EPC1: variants seen among roughly 807,000 people sequenced by gnomAD.
The protein encoded by EPC1 is enhancer of polycomb homolog 1.
A neutral mutation model predicts 98.4 loss-of-function variants in EPC1; 12 were observed. The ratio of observed to expected loss-of-function variants is 0.12; its 90% CI spans 0.08 to 0.20. The LOEUF is 0.20. EPC1 is among the 10% of genes least tolerant of loss of function. EPC1 has a pLI of 1.00. For synonymous variants in EPC1, 357 were observed against 363.9 expected, an observed-to-expected ratio of 0.98 and a Z score of 0.21; for missense variants, 729 against 990.5, an observed-to-expected ratio of 0.74 and a Z score of 3.54.
chr10:32,363,147 C>T (rs1163057556), intron 1 of EPC1, among the ~76,000 whole-genome samples: 2 of 152,232 alleles, frequency 1.3e-5, no homozygotes, highest in Non-Finnish European at 2.9e-5. Context: ...AATCTCAGCT[C>T]ACTGCAACCT....
In EPC1 at chr10:32,292,935, TATAA is replaced by T; in HGVS notation, c.666+49_666+52del. 3.4e-6 allele frequency: 4 copies of T among 1,187,298 alleles called. No homozygotes were observed. The South Asian group carries it at 5.3e-5, about 16-fold the overall frequency. The allele number at this position is 1,187,298 out of a possible 1,614,324, so 73.5% of individuals were successfully genotyped here. A position where few individuals can be genotyped will look rare whatever the true frequency, so the allele number is the denominator to read the frequency against. On this transcript the variant is annotated intron_variant, in intron 4 of 13. Coordinates refer to ENST00000319778, the MANE Select transcript of EPC1 (RefSeq NM_001272004.3). ...ACCACAGTATTGAGACAGTCATAAC[TATAA>T]ATAATTTTTATTATATAATTATCAA...
chr10:32,270,964 T>C (rs991414398), intron 13 of EPC1, among the ~76,000 whole-genome samples: 1 of 149,766 alleles, frequency 6.7e-6, no homozygotes, highest in African/African-American at 2.5e-5. Flanking sequence ...ACTCCTTCCA[T>C]CCAAAGACGG....
upstream of EPC1, among the ~76,000 whole-genome samples, chr10:32,347,814 A>G (rs1838957010): frequency 6.6e-6 from 1 of 152,262 alleles, no homozygotes; most frequent in South Asian, 2.1e-4. Context: ...GCAACTTTGG[A>G]TTATAATGTT....
intron 1 of EPC1, among the ~76,000 whole-genome samples, chr10:32,361,344 C>A (rs77303184): frequency 0.018 from 2,764 of 152,186 alleles, 78 homozygotes; most frequent in African/African-American, 0.06. Context: ...GACATACCAC[C>A]CCAAAATATG....
rs1336641987 is a variant in EPC1, at chr10:32,268,933, G to A, written c.*130C>T. 1.4e-6 allele frequency: 1 copy of A among 701,744 alleles called. No homozygotes were observed. Among genetic ancestry groups the A allele is most frequent in the Non-Finnish European group, 2.4e-6 (1 of 409,666 alleles). The allele number at this position is 701,744 out of a possible 1,614,324, so 43.5% of individuals were successfully genotyped here. A position where few individuals can be genotyped will look rare whatever the true frequency, so the allele number is the denominator to read the frequency against. On this transcript the variant is annotated 3_prime_UTR_variant, in exon 14 of 14. Transcript: ENST00000319778. Reference sequence around the variant, plus strand: ...AGAAAAATTGAAGCATGAGAGATGAGCATTGCTGTCAAGTCCCCACAGCTG... The same window carrying A: ...AGAAAAATTGAAGCATGAGAGATGAACATTGCTGTCAAGTCCCCACAGCTG...
chr10:32,315,849 C>T (rs1836518473), intron 1 of EPC1, among the ~76,000 whole-genome samples: 1 of 152,186 alleles, frequency 6.6e-6, no homozygotes, highest in South Asian at 2.1e-4. Context: ...GAAAGCAATC[C>T]TGTTAATATA....
chr10:32,295,937 T>C (rs1352230852), intron 2 of EPC1, among the ~76,000 whole-genome samples: 1 of 151,906 alleles, frequency 6.6e-6, no homozygotes, highest in Non-Finnish European at 1.5e-5. Flanking sequence ...TTTTTTTTTT[T>C]TCCTGAGACA....
At chr10:32,287,431 G>A (rs1160464998) in intron 6 of EPC1, among the ~76,000 whole-genome samples, 157 bp from the exon 7 acceptor site, 2 of 152,176 alleles carry the variant, frequency 1.3e-5, no homozygotes, top group Non-Finnish European at 2.9e-5. Context: ...ATAGTGTAAA[G>A]TCTAGAGAAG....
chr10:32,360,599 AG>A (rs1376433362), intron 1 of EPC1, among the ~76,000 whole-genome samples: 1 of 152,198 alleles, frequency 6.6e-6, no homozygotes, highest in Non-Finnish European at 1.5e-5. Flanking sequence ...CTCTATAGAA[AG>A]GATTTGATCT....
At chr10:32,320,667 T>C (rs1161378510) in intron 1 of EPC1, among the ~76,000 whole-genome samples, 1 of 152,120 alleles carries the variant, frequency 6.6e-6, no homozygotes, top group Non-Finnish European at 1.5e-5. Context: ...TGATCTCAGC[T>C]CACTGCAACC....
chr10:32,333,101 G>A (rs1040267974), intron 1 of EPC1, among the ~76,000 whole-genome samples: 1 of 152,176 alleles, frequency 6.6e-6, no homozygotes, highest in African/African-American at 2.4e-5. Flanking sequence ...CAGCACTTTT[G>A]GGAGGCCAAG....
intron 9 of EPC1, 29 bp downstream of exon 9, chr10:32,286,665 C>T (rs773966803): frequency 6.2e-6 from 10 of 1,610,996 alleles, no homozygotes; most frequent in Non-Finnish European, 8.5e-6. Context: ...CTAAAATATC[C>T]TTCTGCTAGG....
chr10:32,302,688 A>T (rs554281752), intron 2 of EPC1, among the ~76,000 whole-genome samples: 37 of 151,982 alleles, frequency 2.4e-4, no homozygotes, highest in African/African-American at 8.9e-4. Context: ...GCGGCGCAAA[A>T]GACATGCACG....
At chr10:32,358,409 T>A (rs1193823040) in intron 1 of EPC1, among the ~76,000 whole-genome samples, 1 of 152,108 alleles carries the variant, frequency 6.6e-6, no homozygotes, top group Non-Finnish European at 1.5e-5. Context: ...TTTTCAAGGC[T>A]GAAGCAGGAG....
chr10:32,310,676 C>T (rs1836157780), intron 1 of EPC1, among the ~76,000 whole-genome samples: 1 of 152,150 alleles, frequency 6.6e-6, no homozygotes, highest in African/African-American at 2.4e-5. Context: ...GAGTTCAAGA[C>T]CAGCCTGGCT....
chr10:32,270,557 G>GAC (rs1564515887), intron 13 of EPC1, among the ~76,000 whole-genome samples: 3 of 152,074 alleles, frequency 2.0e-5, no homozygotes, highest in African/African-American at 7.2e-5. Flanking sequence ...GGGCGTGGTG[G>GAC]CTCATGCCTG....
At chr10:32,349,875 C>T (rs1839061211), upstream of EPC1, among the ~76,000 whole-genome samples, 1 of 152,224 alleles carries the variant, frequency 6.6e-6, no homozygotes, top group African/African-American at 2.4e-5. Context: ...GCTGGGATTA[C>T]AGGTGTGAGC....
chr10:32,355,680 T>C (rs1245418628), intron 1 of EPC1, among the ~76,000 whole-genome samples: 1 of 141,276 alleles, frequency 7.1e-6, no homozygotes, highest in Non-Finnish European at 1.5e-5. Flanking sequence ...AGTGGCATGA[T>C]CTTGGCTGCA....
At chr10:32,348,075 C>T (rs1252796687), upstream of EPC1, among the ~76,000 whole-genome samples, 1 of 152,188 alleles carries the variant, frequency 6.6e-6, no homozygotes, top group Non-Finnish European at 1.5e-5. Context: ...AAAGAGACTG[C>T]GGCTTCATCA....
Sources: gnomAD v4.1 joint callset for allele counts (sites outside exome capture counted in the v4.1 genomes callset) on GRCh38, gnomAD v4.1.1 for gene constraint, MANE v1.5 for transcripts, NCBI Gene and HGNC (gene_info 2026-07-23, HGNC 2026-07-21) for gene names.